The following SYNE1 variants were observed in gnomAD, a reference collection of about 807,000 sequenced individuals.
SYNE1 encodes the protein nesprin-1.
Under a neutral mutation model 1,111.0 loss-of-function variants are expected in SYNE1, and 616 were observed. That is an observed-to-expected ratio of 0.55 (90% CI 0.52 to 0.59). The LOEUF (loss-of-function observed/expected upper bound fraction) is 0.59. SYNE1 is among the 20% of genes least tolerant of loss of function. The pLI is 0.00. For synonymous variants in SYNE1, 3,855 were observed against 3,825.8 expected (o/e 1.01, Z -0.28); for missense variants, 10,006 against 10,417.0 (o/e 0.96, Z 1.72).
At chr6:152,517,295 A>G (rs1242169241) in intron 6 of SYNE1, among the ~76,000 whole-genome samples, 1 of 152,238 alleles carries the variant, frequency 6.6e-6, no homozygotes, top group East Asian at 1.9e-4. Flanking sequence ...TCTATTTTCT[A>G]GGAGTATCTG....
At chr6:152,593,160 G>T (rs193146599) in intron 3 of SYNE1, among the ~76,000 whole-genome samples, 1 of 152,264 alleles carries the variant, frequency 6.6e-6, no homozygotes, top group Admixed American at 6.5e-5. Context: ...ATTAACTTGT[G>T]GTCAAATGGG....
chr6:152,137,570 T>C (rs563395208), intron 140 of SYNE1, among the ~76,000 whole-genome samples: 1 of 152,306 alleles, frequency 6.6e-6, no homozygotes, highest in East Asian at 1.9e-4. Flanking sequence ...AAACACCCAG[T>C]GCTCAATTCC....
At chr6:152,522,874 C>A (rs940612761) in intron 5 of SYNE1, among the ~76,000 whole-genome samples, 4 of 151,992 alleles carry the variant, frequency 2.6e-5, no homozygotes, top group African/African-American at 9.7e-5. Context: ...CTATTCATGT[C>A]ATTTGCCCAC....
intron 28 of SYNE1, 32 bp from the exon 29 acceptor site, chr6:152,447,654 G>A (rs1397912954): frequency 1.2e-6 from 2 of 1,613,564 alleles, no homozygotes; most frequent in East Asian, 2.2e-5. Flanking sequence ...GATGAACACA[G>A]TGCAATTGTG....
chr6:152,566,665 G>A (rs1367765988), intron 3 of SYNE1, among the ~76,000 whole-genome samples: 2 of 152,138 alleles, frequency 1.3e-5, no homozygotes, highest in Non-Finnish European at 2.9e-5. Flanking sequence ...CAGGCAGGAA[G>A]AGAAACCACA....
At position 152,323,671 on chromosome 6, in the gene SYNE1, C is replaced by T; in HGVS notation, c.15724G>A (p.Ala5242Thr). Residue 5242 changes from alanine (A) to threonine (T), a missense_variant, in exon 82 of 146, where the codon GCA (alanine) becomes ACA (threonine). By Grantham distance (58) the Ala-to-Thr change is moderately conservative (BLOSUM62 0). This residue lies in a region of SYNE1 where 4,955 missense variants were observed against 5,017.2 expected (regional missense o/e 0.99). Coordinates refer to ENST00000367255, the MANE Select transcript of SYNE1 (RefSeq NM_182961.4). ...DKLPGSSAEKASKAELLTLLE... is the reference protein window; with the variant it reads ...DKLPGSSAEKTSKAELLTLLE... ...AGAGTTAAGAGCTCTGCTTTCGATGCTTTCTCTGCTGAACTTCCAGGTAAC... is the reference window on the plus strand; with the variant it reads ...AGAGTTAAGAGCTCTGCTTTCGATGTTTTCTCTGCTGAACTTCCAGGTAAC... 1 of 1,614,214 alleles carries T rather than the reference C, an allele frequency of 6.2e-7. No homozygotes were observed. The highest frequency in any genetic ancestry group is 8.5e-7 in the Non-Finnish European group (1 of 1,180,042).
chr6:152,323,874 G>C, intron 81 of SYNE1, 137 bp from the exon 82 acceptor site: 1 of 989,508 alleles, frequency 1.0e-6, no homozygotes, highest in East Asian at 2.6e-5. Context: ...TAGGAAACTG[G>C]AACCTGAGCA....
Position 152,242,226 on chromosome 6 carries a change from T to G in SYNE1, c.19893+14A>C, listed in dbSNP as rs1394129957. 1 of 1,610,486 alleles carries G rather than the reference T, an allele frequency of 6.2e-7. No homozygotes were observed. On this transcript the variant is annotated intron_variant, in intron 107 of 145. Transcript: ENST00000367255. The stretch of plus-strand genomic sequence containing the variant: ...AATTACATTTTCTCTCTATCACTCT[T>G]TTTTGTTATGTACCTTATGTTTGTC...
chr6:152,468,643 C>CT (rs1564260790), intron 16 of SYNE1, among the ~76,000 whole-genome samples: 1 of 152,076 alleles, frequency 6.6e-6, no homozygotes, highest in South Asian at 2.1e-4. Context: ...AGTATTCTTT[C>CT]TTTTTTGCAG....
At chr6:152,549,398 A>G (rs1371304740) in intron 3 of SYNE1, among the ~76,000 whole-genome samples, 4 of 152,234 alleles carry the variant, frequency 2.6e-5, no homozygotes, top group Non-Finnish European at 4.4e-5. Flanking sequence ...GTTTTGGAGT[A>G]GTTTGTTACA....
intron 76 of SYNE1, among the ~76,000 whole-genome samples, chr6:152,334,973 G>A (rs1350326504): frequency 1.3e-5 from 2 of 152,170 alleles, no homozygotes; most frequent in Non-Finnish European, 2.9e-5. Context: ...CAGAGTTGGG[G>A]AAGGCTGGAG....
chr6:152,590,202 T>A (rs2099554942), intron 3 of SYNE1, among the ~76,000 whole-genome samples: 1 of 151,508 alleles, frequency 6.6e-6, no homozygotes, highest in Non-Finnish European at 1.5e-5. Context: ...AGTGCTGGGA[T>A]TACAGGTGTG....
At chr6:152,299,891 T>C (rs1051060868) in intron 93 of SYNE1, among the ~76,000 whole-genome samples, 1 of 152,224 alleles carries the variant, frequency 6.6e-6, no homozygotes, top group African/African-American at 2.4e-5. Context: ...ATTTTTTAGT[T>C]GTCTTCACTA....
chr6:152,613,505 C>T lies in SYNE1; in HGVS notation c.67+14760G>A, dbSNP rs567142429. Among the ~76,000 whole-genome samples, 3 of 152,206 alleles carry T rather than the reference C, an allele frequency of 2.0e-5. No homozygotes were observed. The South Asian group carries it at 6.2e-4, about 32-fold the overall frequency. On this transcript the variant is annotated intron_variant, in intron 3 of 145. Coordinates refer to ENST00000367255, the MANE Select transcript of SYNE1 (RefSeq NM_182961.4). ...CTGCTCAACAATATAAAAGAGGACA[C>T]AAACAAATGGAAGAACATTCCATGC... is the stretch of plus-strand genomic sequence containing the variant.
rs1229969547 is a variant in SYNE1 at position 152,456,019 on chromosome 6, C to T, written c.2594G>A (p.Cys865Tyr). ...CTCAATAAGTGTCAAGGTTTTCTTA[C>T]AGTTTTCTTGACAAGCTAACAGTTC... ...HQELLACQEN[C>Y]KKTLTLIEKG... The change falls in exon 23 of 146, where the codon TGT (cysteine) becomes TAT (tyrosine). Residue 865 changes from cysteine (C) to tyrosine (Y), a missense_variant. Around this residue, in one of 7 missense-constraint regions of SYNE1, gnomAD observed 1,971 missense variants for 2,084.1 expected, o/e 0.95. Coordinates refer to ENST00000367255, the MANE Select transcript of SYNE1 (RefSeq NM_182961.4). The T allele has an allele frequency of 6.2e-6, 10 of 1,613,706 alleles. No individual in the cohort carries two copies. Among genetic ancestry groups the T allele is most frequent in the Non-Finnish European group, 7.6e-6 (9 of 1,180,004 alleles).
At chr6:152,319,096 C>T (rs1396629128) in intron 84 of SYNE1, 81 bp from the exon 85 acceptor site, 3 of 1,569,154 alleles carry the variant, frequency 1.9e-6, no homozygotes, top group African/African-American at 1.4e-5. Context: ...ATGATGTTGA[C>T]AAGACACATT....
At chr6:152,200,538 C>A (rs961135896) in intron 127 of SYNE1, among the ~76,000 whole-genome samples, 5 of 152,108 alleles carry the variant, frequency 3.3e-5, no homozygotes, top group Non-Finnish European at 5.9e-5. Context: ...GCTAGGACTA[C>A]AGGCAAGCAC....
At chr6:152,513,890 C>G (rs1419054130) in intron 6 of SYNE1, among the ~76,000 whole-genome samples, 2 of 152,136 alleles carry the variant, frequency 1.3e-5, no homozygotes, top group Non-Finnish European at 2.9e-5. Flanking sequence ...CTCATCATCA[C>G]TGGTCATTAG....
At chr6:152,550,973 A>G (rs1484866245) in intron 3 of SYNE1, among the ~76,000 whole-genome samples, 1 of 152,170 alleles carries the variant, frequency 6.6e-6, no homozygotes, top group Non-Finnish European at 1.5e-5. Flanking sequence ...AGCAATCAAT[A>G]CAGTGGGAGG....
Sources: gnomAD v4.1 joint callset for allele counts (sites outside exome capture counted in the v4.1 genomes callset) on GRCh38, gnomAD v4.1.1 for gene constraint, gnomAD v4.1.1 regional missense constraint, MANE v1.5 for transcripts, NCBI Gene and HGNC (gene_info 2026-07-23, HGNC 2026-07-21) for gene names.